TASP1: variants seen among roughly 807,000 people sequenced by gnomAD.
TASP1 encodes taspase 1, also known as threonine aspartase 1.
TASP1 carries 16 observed loss-of-function variants against 56.6 expected under a neutral mutation model. That is an observed-to-expected ratio of 0.28 (90% CI 0.19 to 0.43). The LOEUF (loss-of-function observed/expected upper bound fraction) is 0.43. Among genes scored for constraint, TASP1 ranks in the 20% least tolerant of loss-of-function variants. The pLI, the probability that TASP1 is intolerant of heterozygous loss-of-function variation, is 1.00. For missense variants in TASP1, 393 were observed against 511.6 expected, an observed-to-expected ratio of 0.77 and a Z score of 2.24; for synonymous variants, 179 against 184.2, an observed-to-expected ratio of 0.97 and a Z score of 0.23.
chr20:13,383,835 A>C, the TASP1 span, among the ~76,000 whole-genome samples: 1 of 152,234 alleles, frequency 6.6e-6, no homozygotes, highest in Non-Finnish European at 1.5e-5. Flanking sequence ...TGGGCAAATA[A>C]AACAGTTGTT....
At chr20:13,355,846 C>A in the TASP1 span, among the ~76,000 whole-genome samples, 1 of 152,144 alleles carries the variant, frequency 6.6e-6, no homozygotes, top group African/African-American at 2.4e-5. Flanking sequence ...TCTCCCAAGC[C>A]CCTAGTCCTG....
intron 4 of TASP1, 33 bp from the exon 5 acceptor site, chr20:13,587,403 T>C: frequency 6.4e-7 from 1 of 1,552,472 alleles, no homozygotes; most frequent in Non-Finnish European, 8.8e-7. Flanking sequence ...AAAATATCAT[T>C]AGTCTTAAAA....
At chr20:13,577,006 C>T (rs2046948529) in intron 6 of TASP1, among the ~76,000 whole-genome samples, 1 of 152,036 alleles carries the variant, frequency 6.6e-6, no homozygotes, top group Non-Finnish European at 1.5e-5. Context: ...CATCTATGCA[C>T]ATATTTATGT....
chr20:13,390,442 G>C lies in TASP1; in HGVS notation c.1181C>G (p.Ser394Ter). 2 of 1,613,684 alleles carry C rather than the reference G, an allele frequency of 1.2e-6. No homozygotes were observed. Among genetic ancestry groups the C allele is most frequent in the Non-Finnish European group, 1.7e-6 (2 of 1,179,830 alleles). ...TGCCACCGCACCAGGAGGAAGTCTT[G>C]AAATGTGAGTCTGCAGAGAGAGAGA... ...AQDGKAKTHISRLPPGAVAGQ... is the reference protein window; with the variant it reads ...AQDGKAKTHI Residue 394 changes from serine (S) to a stop codon, truncating the protein, a stop_gained, in exon 14 of 14, where the codon TCA becomes TGA. Coordinates refer to ENST00000337743, the MANE Select transcript of TASP1 (RefSeq NM_017714.3). LOFTEE classifies it high-confidence loss of function.
At chr20:13,350,846 C>G in the TASP1 span, among the ~76,000 whole-genome samples, 1 of 151,872 alleles carries the variant, frequency 6.6e-6, no homozygotes, top group Non-Finnish European at 1.5e-5. Flanking sequence ...ACTACAGGTG[C>G]ATACCACCAC....
chr20:13,331,669 G>A, the TASP1 span, among the ~76,000 whole-genome samples: 1 of 138,922 alleles, frequency 7.2e-6, no homozygotes, highest in African/African-American at 2.8e-5. Context: ...GGGTTTTTTT[G>A]TGGCTTTTTT....
chr20:13,176,809 T>C, the TASP1 span, among the ~76,000 whole-genome samples: 1 of 152,194 alleles, frequency 6.6e-6, no homozygotes, highest in Non-Finnish European at 1.5e-5. Context: ...TGTTTCTGTA[T>C]ATGAACAACA....
intron 11 of TASP1, among the ~76,000 whole-genome samples, chr20:13,444,019 T>A (rs542651461): frequency 6.6e-6 from 1 of 152,204 alleles, no homozygotes; most frequent in Non-Finnish European, 1.5e-5. Flanking sequence ...GGTGCTGTAT[T>A]CTTGAACAAG....
chr20:13,112,232 C>G, the TASP1 span, among the ~76,000 whole-genome samples: 5 of 152,236 alleles, frequency 3.3e-5, no homozygotes, highest in African/African-American at 1.2e-4. Context: ...GACACTTTGT[C>G]TGGGGCTGGA....
At chr20:13,596,243 C>T (rs1353041802) in intron 4 of TASP1, among the ~76,000 whole-genome samples, 6 of 152,044 alleles carry the variant, frequency 3.9e-5, no homozygotes, top group East Asian at 1.9e-4. Flanking sequence ...GGCATGGTGG[C>T]GCATGCCTGT....
intron 11 of TASP1, among the ~76,000 whole-genome samples, chr20:13,478,279 T>C (rs932471888): frequency 6.6e-6 from 1 of 151,976 alleles, no homozygotes; most frequent in Non-Finnish European, 1.5e-5. Context: ...ACCACAGCAC[T>C]ATTCACAATA....
intron 4 of TASP1, among the ~76,000 whole-genome samples, chr20:13,601,638 T>C (rs543243326): frequency 2.0e-5 from 3 of 152,046 alleles, no homozygotes; most frequent in South Asian, 2.1e-4. Flanking sequence ...ACTCCTTAAG[T>C]GTGAGGTACC....
At chr20:13,624,564 A>G (rs1041986924) in intron 3 of TASP1, among the ~76,000 whole-genome samples, 1 of 152,204 alleles carries the variant, frequency 6.6e-6, no homozygotes, top group Non-Finnish European at 1.5e-5. Context: ...ATATTCAACT[A>G]GATTCTATTT....
the TASP1 span, among the ~76,000 whole-genome samples, chr20:13,200,890 C>T: frequency 5.3e-3 from 803 of 152,244 alleles, 7 homozygotes; most frequent in African/African-American, 0.018. Context: ...GCTTGAAGTG[C>T]TCTATAAACA....
At chr20:13,225,428 T>G in the TASP1 span, among the ~76,000 whole-genome samples, 157 of 152,214 alleles carry the variant, frequency 1.0e-3, no homozygotes, top group Non-Finnish European at 1.2e-3. Context: ...CTATGACATA[T>G]ATGTATATAT....
At chr20:13,117,639 G>A in the TASP1 span, 2 of 1,614,070 alleles carry the variant, frequency 1.2e-6, no homozygotes, top group Non-Finnish European at 1.7e-6. Context: ...GGAGTTCTTT[G>A]GACTAGACCC....
chr20:13,331,844 C>G, the TASP1 span, among the ~76,000 whole-genome samples: 4 of 152,144 alleles, frequency 2.6e-5, no homozygotes, highest in Non-Finnish European at 2.9e-5. Flanking sequence ...CTGTGACCAT[C>G]TTGCTCACCA....
the TASP1 span, among the ~76,000 whole-genome samples, chr20:13,117,920 G>A: frequency 6.6e-6 from 1 of 152,170 alleles, no homozygotes; most frequent in African/African-American, 2.4e-5. Context: ...TAGTGAAGAG[G>A]AGCATGTGAT....
chr20:13,564,741 C>T (rs964188287), intron 7 of TASP1, among the ~76,000 whole-genome samples: 2 of 152,026 alleles, frequency 1.3e-5, no homozygotes, highest in East Asian at 1.9e-4. Context: ...GTGGCTCACA[C>T]CTGTAATCCC....
Sources: gnomAD v4.1 joint callset for allele counts (sites outside exome capture counted in the v4.1 genomes callset) on GRCh38, gnomAD v4.1.1 for gene constraint, MANE v1.5 for transcripts, NCBI Gene and HGNC (gene_info 2026-07-23, HGNC 2026-07-21) for gene names.